The following CHST9 variants were observed in gnomAD, a reference collection of about 807,000 sequenced individuals.
The protein encoded by CHST9 is carbohydrate sulfotransferase 9.
Under a neutral mutation model 44.4 loss-of-function variants are expected in CHST9, and 41 were observed. The observed-to-expected ratio is 0.92, with a 90% confidence interval of 0.72 to 1.20. The LOEUF (loss-of-function observed/expected upper bound fraction) is 1.20, where lower values mean the gene tolerates loss of function less well. CHST9 is among the 50% of genes most tolerant of loss of function. The probability of loss-of-function intolerance (pLI) is 0.00; values close to 1 mark genes in which losing one functional copy is unlikely to be tolerated. For synonymous variants in CHST9, 171 were observed against 178.4 expected, an observed-to-expected ratio of 0.96 and a Z score of 0.33; for missense variants, 504 against 516.5, an observed-to-expected ratio of 0.98 and a Z score of 0.23.
intron 2 of CHST9, among the ~76,000 whole-genome samples, chr18:27,090,940 T>C (rs1226084617): frequency 6.6e-6 from 1 of 152,172 alleles, no homozygotes; most frequent in Admixed American, 6.5e-5. Flanking sequence ...TCTTTTTTGG[T>C]TCCATATGAA....
intron 3 of CHST9, among the ~76,000 whole-genome samples, chr18:27,036,067 A>C (rs1482064320): frequency 1.3e-5 from 2 of 152,218 alleles, no homozygotes; most frequent in Non-Finnish European, 2.9e-5. Context: ...CTATATATAT[A>C]TCTATATTCA....
At chr18:27,170,158 T>G (rs1229732900) in intron 1 of CHST9, among the ~76,000 whole-genome samples, 3 of 152,210 alleles carry the variant, frequency 2.0e-5, no homozygotes, top group African/African-American at 7.2e-5. Context: ...TTTATTTTCC[T>G]TATTCTATTT....
intron 1 of CHST9, among the ~76,000 whole-genome samples, chr18:27,171,725 T>C (rs186817623): frequency 6.6e-6 from 1 of 152,334 alleles, no homozygotes; most frequent in East Asian, 1.9e-4. Context: ...CAGTTAATCA[T>C]TGAGTTCTAC....
At chr18:26,969,374 C>CTGTG (rs752526316) in intron 4 of CHST9, among the ~76,000 whole-genome samples, 19 of 149,240 alleles carry the variant, frequency 1.3e-4, no homozygotes, top group African/African-American at 4.3e-4. Context: ...CTCTCTCTCT[C>CTGTG]TCTGTGTGTG....
At chr18:27,161,858 T>C (rs1045570721) in intron 1 of CHST9, among the ~76,000 whole-genome samples, 11 of 152,120 alleles carry the variant, frequency 7.2e-5, no homozygotes, top group Admixed American at 2.0e-4. Context: ...TTTACCATTA[T>C]GTAATGGCCT....
At chr18:27,059,572 T>C (rs559647903) in intron 2 of CHST9, among the ~76,000 whole-genome samples, 125 of 152,340 alleles carry the variant, frequency 8.2e-4, no homozygotes, top group African/African-American at 2.7e-3. Context: ...AGTCTGAGTT[T>C]GTTCACTTTA....
chr18:27,088,302 T>C (rs980023460), intron 2 of CHST9, among the ~76,000 whole-genome samples: 3 of 152,130 alleles, frequency 2.0e-5, no homozygotes, highest in African/African-American at 7.2e-5. Flanking sequence ...CCCAATAATT[T>C]ACACCTTTGT....
chr18:27,084,518 T>A (rs1324356172), intron 2 of CHST9, among the ~76,000 whole-genome samples: 6 of 151,576 alleles, frequency 4.0e-5, no homozygotes, highest in African/African-American at 1.5e-4. Flanking sequence ...CTTCTGATTG[T>A]GTTTGTTTCA....
chr18:27,053,134 GA>G (rs1308305425), intron 2 of CHST9, among the ~76,000 whole-genome samples: 767 of 58,328 alleles, frequency 0.013, 9 homozygotes, highest in African/African-American at 0.051. Context: ...AGAAGAGGAA[GA>G]AGAAGAAGAA....
intron 4 of CHST9, among the ~76,000 whole-genome samples, chr18:26,985,188 G>GC (rs1245086441): frequency 6.6e-6 from 1 of 152,146 alleles, no homozygotes; most frequent in Non-Finnish European, 1.5e-5. Context: ...ACTACTACAT[G>GC]CAACAACATG....
chr18:27,034,900 C>T (rs1337123542), intron 3 of CHST9, among the ~76,000 whole-genome samples: 1 of 152,072 alleles, frequency 6.6e-6, no homozygotes, highest in Non-Finnish European at 1.5e-5. Flanking sequence ...AAGTTGAAAG[C>T]TTTTTTTCTT....
At chr18:27,117,341 C>G (rs531308188) in intron 2 of CHST9, among the ~76,000 whole-genome samples, 1 of 152,086 alleles carries the variant, frequency 6.6e-6, no homozygotes, top group African/African-American at 2.4e-5. Context: ...ACAAGCTCAA[C>G]CTCCCCCATT....
At chr18:26,932,184 A>G (rs1184789938) in intron 5 of CHST9, among the ~76,000 whole-genome samples, 1 of 152,210 alleles carries the variant, frequency 6.6e-6, no homozygotes, top group Non-Finnish European at 1.5e-5. Flanking sequence ...CATTGTTGGA[A>G]TGACCAAAGT....
chr18:27,048,480 G>GTTATC lies in CHST9; in HGVS notation c.144_145insGATAA (p.Gln49AspfsTer5). The GTTATC allele has an allele frequency of 6.2e-7, 1 of 1,607,718 alleles. No individual in the cohort carries two copies. The highest frequency in any genetic ancestry group is 8.5e-7 in the Non-Finnish European group (1 of 1,177,102). On this transcript the variant is annotated frameshift_variant, in exon 3 of 6. Coordinates refer to ENST00000618847, the MANE Select transcript of CHST9 (RefSeq NM_031422.6). LOFTEE classifies it high-confidence loss of function. ...AAAATCTTACCTGAAGTTACTTTTT[G>GTTATC]TTCTCTTCTCTTCTCCACTCTCCCT...
chr18:26,948,840 A>C (rs2145125908), intron 4 of CHST9, among the ~76,000 whole-genome samples: 1 of 152,316 alleles, frequency 6.6e-6, no homozygotes, highest in Non-Finnish European at 1.5e-5. Context: ...GGGCAGGACA[A>C]GTAAAGAAAT....
chr18:27,130,264 G>C (rs1374391380), intron 2 of CHST9, among the ~76,000 whole-genome samples: 2 of 152,162 alleles, frequency 1.3e-5, no homozygotes, highest in Non-Finnish European at 2.9e-5. Flanking sequence ...TTTAGTGAGT[G>C]AGGTCTTTAC....
Position 26,920,583 on chromosome 18 carries a change from A to G in CHST9, c.241-3233T>C, listed in dbSNP as rs78692073. On this transcript the variant is annotated intron_variant, in intron 5 of 5. Coordinates refer to ENST00000618847, the MANE Select transcript of CHST9 (RefSeq NM_031422.6). Reference sequence around the variant, plus strand: ...TCTTGCTCTCTGTGGTACTAAGCACACTGCCTGGCGCATAGAAGATGTTAA... The same window carrying G: ...TCTTGCTCTCTGTGGTACTAAGCACGCTGCCTGGCGCATAGAAGATGTTAA... Among the ~76,000 whole-genome samples, 28 of 152,298 alleles carry G rather than the reference A, an allele frequency of 1.8e-4. 1 individual carries two copies. In the East Asian group the frequency reaches 5.0e-3, roughly 27 times the overall value.
At chr18:26,924,636 TGATAA>T in intron 5 of CHST9, 1 of 911,334 alleles carries the variant, frequency 1.1e-6, no homozygotes, top group South Asian at 5.0e-5. Context: ...CTCCAGTCAT[TGATAA>T]GATAAATGAT....
At chr18:27,001,954 C>T (rs552153360) in intron 4 of CHST9, among the ~76,000 whole-genome samples, 1 of 152,090 alleles carries the variant, frequency 6.6e-6, no homozygotes, top group Middle Eastern at 3.4e-3. Context: ...AAACTCAGGG[C>T]CAAGCATATA....
Sources: allele counts gnomAD v4.1 joint callset (sites outside exome capture counted in the v4.1 genomes callset), GRCh38; gene constraint gnomAD v4.1.1; transcripts MANE v1.5; gene names NCBI Gene and HGNC (gene_info 2026-07-23, HGNC 2026-07-21).